The following ZNF486 variants were observed in gnomAD, a reference collection of about 807,000 sequenced individuals.
ZNF486 encodes the protein KRAB box only protein 2.
ZNF486 carries 12 observed loss-of-function variants against 12.8 expected under a neutral mutation model. That is an observed-to-expected ratio of 0.94 (90% CI 0.60 to 1.52). The LOEUF (loss-of-function observed/expected upper bound fraction) is 1.52. ZNF486 is among the 40% of genes most tolerant of loss of function. ZNF486 has a pLI of 0.00. For synonymous variants in ZNF486, 231 were observed against 184.9 expected, an observed-to-expected ratio of 1.25 and a Z score of -2.02; for missense variants, 738 against 545.0, an observed-to-expected ratio of 1.35 and a Z score of -3.53.
intron 3 of ZNF486, among the ~76,000 whole-genome samples, chr19:20,191,759 G>A (rs1555717237): frequency 6.6e-6 from 1 of 152,072 alleles, no homozygotes; most frequent in African/African-American, 2.4e-5. Context: ...AAAAGAGCAG[G>A]ACTCTGTCTC....
Position 20,167,240 on chromosome 19 carries a change from G to GT in ZNF486, c.-90dup. On this transcript the variant is annotated 5_prime_UTR_variant, in exon 1 of 4. Coordinates refer to ENST00000335117, the MANE Select transcript of ZNF486 (RefSeq NM_052852.4). ...TCTCTCGCTGCATCTGGAGCTCTAG[G>GT]TCGCCTCTTCGCTACTCTGTGTCCT... The GT allele has an allele frequency of 1.3e-6, 2 of 1,520,518 alleles. No homozygotes were observed. The highest frequency in any genetic ancestry group is 1.8e-6 in the Non-Finnish European group (2 of 1,095,568). 94.2% of individuals were successfully genotyped at this position (1,520,518 alleles called of 1,614,324 possible).
chr19:20,174,962 C>G (rs1432154680), intron 1 of ZNF486: 1 of 152,158 alleles, frequency 6.6e-6, no homozygotes, highest in African/African-American at 2.4e-5. Context: ...TGCTATGTTG[C>G]AAGTTCTAAT....
intron 1 of ZNF486, among the ~76,000 whole-genome samples, chr19:20,179,841 G>GT (rs2089764758): frequency 6.6e-6 from 1 of 152,200 alleles, no homozygotes; most frequent in Non-Finnish European, 1.5e-5. Context: ...GGCAGAATCT[G>GT]TAAGTGTAAA....
chr19:20,180,808 G>A lies in ZNF486; in HGVS notation c.31-3548G>A, dbSNP rs2089776455. Among the ~76,000 whole-genome samples, 4 of 152,134 alleles carry A rather than the reference G, an allele frequency of 2.6e-5. No individual in the cohort carries two copies. In the South Asian group the frequency reaches 8.3e-4, roughly 32 times the overall value. On this transcript the variant is annotated intron_variant, in intron 1 of 3. Coordinates refer to ENST00000335117, the MANE Select transcript of ZNF486 (RefSeq NM_052852.4). ...CAAAGTGTTGGGATTACAGGTGTAA[G>A]GCAGTGCACCCAGCTGTATAATTTC...
At position 20,197,827 on chromosome 19, in the gene ZNF486, A is replaced by T; in HGVS notation, c.1117A>T (p.Thr373Ser). 1 of 1,613,762 alleles carries T rather than the reference A, an allele frequency of 6.2e-7. No homozygotes were observed. The highest frequency in any genetic ancestry group is 1.3e-5 in the African/African-American group (1 of 75,024). The change falls in exon 4 of 4, where the codon ACT (threonine) becomes TCT (serine). Residue 373 changes from threonine (T) to serine (S), a missense_variant. Thr to Ser is a moderately conservative substitution (Grantham distance 58). Coordinates refer to ENST00000335117, the MANE Select transcript of ZNF486 (RefSeq NM_052852.4). ...SHLTMHKIIHTGEKPYKCEEC... is the reference protein window; with the variant it reads ...SHLTMHKIIHSGEKPYKCEEC... ...CCTTACTATGCATAAGATAATTCATACTGGAGAGAAACCATACAAATGTGA... is the reference window on the plus strand; with the variant it reads ...CCTTACTATGCATAAGATAATTCATTCTGGAGAGAAACCATACAAATGTGA...
At chr19:20,168,459 G>A (rs2089609443) in intron 1 of ZNF486, among the ~76,000 whole-genome samples, 1 of 151,958 alleles carries the variant, frequency 6.6e-6, no homozygotes, top group South Asian at 2.1e-4. Flanking sequence ...GTTCGAGACC[G>A]GCCTGACTAA....
intron 1 of ZNF486, among the ~76,000 whole-genome samples, chr19:20,170,457 C>T (rs113115251): frequency 0.074 from 11,302 of 151,714 alleles, 664 homozygotes; most frequent in African/African-American, 0.17. Flanking sequence ...ATGCCAGCTA[C>T]TTGGGAGGCT....
In ZNF486 at chr19:20,197,514, T is replaced by C. The variant is rs1208276716; in HGVS notation, c.804T>C (p.Cys268=). Residue 268 remains cysteine (C), a synonymous_variant, in exon 4 of 4, where the codon TGT becomes TGC. Coordinates refer to ENST00000335117, the MANE Select transcript of ZNF486 (RefSeq NM_052852.4). Reference sequence around the variant, plus strand: ...ATAGTGGAGAGAAACCCTACATTTGTGAAGAATGTGGCAAAGCCTTTATGT... The same window carrying C: ...ATAGTGGAGAGAAACCCTACATTTGCGAAGAATGTGGCAAAGCCTTTATGT... The part of the protein sequence containing the change: ...KIHSGEKPYI[C]EECGKAFMYP... 6.2e-7 allele frequency: 1 copy of C among 1,612,514 alleles called. No homozygotes were observed. The highest frequency in any genetic ancestry group is 1.3e-5 in the African/African-American group (1 of 74,938).
chr19:20,198,833 A>G lies in ZNF486; in HGVS notation c.*731A>G, dbSNP rs2089986616. The G allele has an allele frequency of 6.6e-6, 1 of 152,298 alleles. No homozygotes were observed. Among genetic ancestry groups the G allele is most frequent in the Non-Finnish European group, 1.5e-5 (1 of 68,054 alleles). 9.4% of individuals were successfully genotyped at this position (152,298 alleles called of 1,614,324 possible). On this transcript the variant is annotated 3_prime_UTR_variant, in exon 4 of 4. Transcript: ENST00000335117. Reference sequence around the variant, plus strand: ...CTCAATTCCCAGCCATAAGCTCTTAATTCTTAAGAGACATGGCGATAATTC... The same window carrying G: ...CTCAATTCCCAGCCATAAGCTCTTAGTTCTTAAGAGACATGGCGATAATTC...
In ZNF486 at chr19:20,198,066, T is replaced by C. The variant is rs782746822; in HGVS notation, c.1356T>C (p.His452=). ...ACTGGTCCTCAGACCTTAATAAACA[T>C]AAGAGAATTCATATTGGACAGAAAC... ...AFNWSSDLNK[H]KRIHIGQKPR... The change falls in exon 4 of 4, where the codon CAT becomes CAC. Residue 452 remains histidine, a synonymous_variant. Transcript: ENST00000335117. 1 of 1,606,478 alleles carries C rather than the reference T, an allele frequency of 6.2e-7. No individual in the cohort carries two copies. Among genetic ancestry groups the C allele is most frequent in the Non-Finnish European group, 8.5e-7 (1 of 1,176,100 alleles).
At position 20,186,032 on chromosome 19, in the gene ZNF486, G is replaced by A. The variant is rs544708265; in HGVS notation, c.203G>A (p.Gly68Glu). Reference protein sequence around the residue: ...KPDLITCLEQGIKPLTMKRHE... With the variant: ...KPDLITCLEQEIKPLTMKRHE... ...GACCTGATCACCTGTCTGGAGCAAGGAATAAAACCTCTGACTATGAAGAGA... is the reference window on the plus strand; with the variant it reads ...GACCTGATCACCTGTCTGGAGCAAGAAATAAAACCTCTGACTATGAAGAGA... The change falls in exon 3 of 4, where the codon GGA becomes GAA. Residue 68 changes from glycine to glutamate, a missense_variant. Gly to Glu is a moderately conservative substitution (Grantham distance 98, BLOSUM62 -2). Coordinates refer to ENST00000335117, the MANE Select transcript of ZNF486 (RefSeq NM_052852.4). 45 of 1,591,764 alleles carry A rather than the reference G, an allele frequency of 2.8e-5. No individual in the cohort carries two copies. Among genetic ancestry groups the A allele is most frequent in the Middle Eastern group, 3.3e-4 (2 of 6,028 alleles).
Position 20,185,404 on chromosome 19 carries a change from G to GTTTTT in ZNF486, c.158-563_158-559dup, listed in dbSNP as rs782413355. On this transcript the variant is annotated intron_variant, in intron 2 of 3. Transcript: ENST00000335117. ...AGAAAGGTTTTAAGGTATTGTTTAT[G>GTTTTT]TTTTTTTTTTTTTTTTTTTTTTTTG... is the stretch of plus-strand genomic sequence containing the variant. Among the ~76,000 whole-genome samples the GTTTTT allele has an allele frequency of 2.6e-3, 184 of 69,576 alleles. 1 individual carries two copies. Among genetic ancestry groups the GTTTTT allele is most frequent in the African/African-American group, 4.4e-3 (68 of 15,538 alleles). 45.6% of individuals were successfully genotyped at this position (69,576 alleles called of 152,430 possible). A position where few individuals can be genotyped will look rare whatever the true frequency, so the allele number is the denominator to read the frequency against.
chr19:20,185,060 G>A (rs565247252), intron 2 of ZNF486, among the ~76,000 whole-genome samples: 1 of 152,212 alleles, frequency 6.6e-6, no homozygotes, highest in South Asian at 2.1e-4. Context: ...TTGGTGAGCC[G>A]AGACTGAGCC....
At chr19:20,176,968 A>T (rs1555714926) in intron 1 of ZNF486, 1 of 152,220 alleles carries the variant, frequency 6.6e-6, no homozygotes, top group Non-Finnish European at 1.5e-5. Flanking sequence ...CCTTGTCACC[A>T]TTATAAGTAG....
intron 1 of ZNF486, among the ~76,000 whole-genome samples, chr19:20,183,610 G>C (rs577527325): frequency 2.0e-5 from 3 of 152,068 alleles, no homozygotes; most frequent in Admixed American, 1.3e-4. Flanking sequence ...AAAATTTATC[G>C]TAGTGCAGTT....
chr19:20,184,864 C>G (rs2089825327), intron 2 of ZNF486, among the ~76,000 whole-genome samples: 1 of 152,106 alleles, frequency 6.6e-6, no homozygotes, highest in African/African-American at 2.4e-5. Context: ...GTAATTCCAG[C>G]ACTTTGGGAG....
At chr19:20,175,873 G>A (rs1339818637) in intron 1 of ZNF486, among the ~76,000 whole-genome samples, 8 of 152,210 alleles carry the variant, frequency 5.3e-5, no homozygotes, top group East Asian at 3.9e-4. Context: ...GGTGGTGGCC[G>A]GGCAGAGGGG....
intron 1 of ZNF486, among the ~76,000 whole-genome samples, chr19:20,168,161 A>G (rs1259635147): frequency 6.6e-6 from 1 of 151,816 alleles, no homozygotes; most frequent in Non-Finnish European, 1.5e-5. Flanking sequence ...GGAGTTCTAG[A>G]CCATCCTGGC....
At position 20,186,005 on chromosome 19, in the gene ZNF486, C is replaced by T; in HGVS notation, c.176C>T (p.Pro59Leu). ...GAAACAGGTATTATTGTCTCTAAGCCAGACCTGATCACCTGTCTGGAGCAA... is the reference window on the plus strand; with the variant it reads ...GAAACAGGTATTATTGTCTCTAAGCTAGACCTGATCACCTGTCTGGAGCAA... ...LVFLGIIVSKPDLITCLEQGI... is the reference protein window; with the variant it reads ...LVFLGIIVSKLDLITCLEQGI... Residue 59 changes from proline (P) to leucine (L), a missense_variant, in exon 3 of 4, where the codon CCA (proline) becomes CTA (leucine). By Grantham distance (98) the Pro-to-Leu change is moderately conservative. Coordinates refer to ENST00000335117, the MANE Select transcript of ZNF486 (RefSeq NM_052852.4). The T allele has an allele frequency of 6.3e-7, 1 of 1,581,328 alleles. No homozygotes were observed. The highest frequency in any genetic ancestry group is 8.6e-7 in the Non-Finnish European group (1 of 1,166,748).
Sources: allele counts gnomAD v4.1 joint callset (sites outside exome capture counted in the v4.1 genomes callset), GRCh38; gene constraint gnomAD v4.1.1; transcripts MANE v1.5; gene names NCBI Gene and HGNC (gene_info 2026-07-23, HGNC 2026-07-21).